SPOCK1: variants seen among roughly 807,000 people sequenced by gnomAD.
The protein encoded by SPOCK1 is SPARC (osteonectin), cwcv and kazal like domains proteoglycan 1.
Under a neutral mutation model 55.3 loss-of-function variants are expected in SPOCK1, and 23 were observed. The observed-to-expected ratio is 0.42, with a 90% CI of 0.30 to 0.59. The LOEUF (loss-of-function observed/expected upper bound fraction) is 0.59. Among genes scored for constraint, SPOCK1 ranks in the 20% least tolerant of loss-of-function variants. The pLI, the probability that SPOCK1 is intolerant of heterozygous loss-of-function variation, is 0.22. For missense variants in SPOCK1, 499 were observed against 552.5 expected (o/e 0.90, Z 0.97); for synonymous variants, 226 against 221.0 (o/e 1.02, Z -0.20).
intron 5 of SPOCK1, among the ~76,000 whole-genome samples, chr5:137,103,545 C>A (rs1256410417): frequency 6.6e-6 from 1 of 152,196 alleles, no homozygotes; most frequent in African/African-American, 2.4e-5. Flanking sequence ...AGAATGACAG[C>A]AGACTAAAAG....
At chr5:137,203,553 A>C (rs943841499) in intron 3 of SPOCK1, among the ~76,000 whole-genome samples, 7 of 152,140 alleles carry the variant, frequency 4.6e-5, no homozygotes, top group Admixed American at 1.3e-4. Flanking sequence ...TGATTTCCTT[A>C]TCATTACTGC....
chr5:137,439,094 C>G (rs956343185), intron 2 of SPOCK1, among the ~76,000 whole-genome samples: 3 of 152,058 alleles, frequency 2.0e-5, no homozygotes, highest in Non-Finnish European at 1.5e-5. Context: ...ATAATCAAGC[C>G]TAATTCATAG....
intron 6 of SPOCK1, among the ~76,000 whole-genome samples, chr5:137,043,378 A>G (rs1275121860): frequency 1.3e-5 from 2 of 152,206 alleles, no homozygotes; most frequent in African/African-American, 2.4e-5. Context: ...ATTTATGTAG[A>G]CACTCTACCC....
intron 3 of SPOCK1, among the ~76,000 whole-genome samples, chr5:137,239,598 G>A (rs1756245173): frequency 6.6e-6 from 1 of 152,106 alleles, no homozygotes; most frequent in African/African-American, 2.4e-5. Flanking sequence ...ACTCCAAGTG[G>A]ATAGTGTCAG....
At chr5:137,267,351 G>A (rs1425496550) in intron 2 of SPOCK1, among the ~76,000 whole-genome samples, 1 of 152,140 alleles carries the variant, frequency 6.6e-6, no homozygotes, top group African/African-American at 2.4e-5. Flanking sequence ...CCTTCTAGGT[G>A]CAAGGTGTAT....
chr5:137,249,176 C>T (rs948081442), intron 3 of SPOCK1, among the ~76,000 whole-genome samples: 15 of 152,182 alleles, frequency 9.9e-5, no homozygotes, highest in Non-Finnish European at 4.4e-5. Flanking sequence ...AAATAACTTG[C>T]TTGAGAGTTA....
At chr5:137,114,306 C>T (rs1753533626) in intron 4 of SPOCK1, among the ~76,000 whole-genome samples, 2 of 152,192 alleles carry the variant, frequency 1.3e-5, no homozygotes, top group South Asian at 4.1e-4. Flanking sequence ...TGGAGCTGAT[C>T]AGTAACTAGA....
intron 2 of SPOCK1, among the ~76,000 whole-genome samples, chr5:137,308,153 A>G (rs1046136455): frequency 1.3e-5 from 2 of 152,146 alleles, no homozygotes; most frequent in African/African-American, 2.4e-5. Flanking sequence ...TGTATTCCCA[A>G]CTGGACTTCA....
chr5:137,356,834 T>TAGAGAGAGAGAGAGAGAGAG (rs1231164356), intron 2 of SPOCK1, among the ~76,000 whole-genome samples: 2 of 9,456 alleles, frequency 2.1e-4, no homozygotes, highest in African/African-American at 4.3e-4. Flanking sequence ...TATATATATA[T>TAGAGAGAGAGAGAGAGAGAG]ATATAGAGAG....
chr5:137,067,918 C>T, intron 5 of SPOCK1, 89 bp from the exon 6 acceptor site: 1 of 1,069,524 alleles, frequency 9.3e-7, no homozygotes, highest in Non-Finnish European at 1.4e-6. Context: ...CCCTTTGCTT[C>T]ACAAAAGCAA....
chr5:137,332,527 G>A (rs961495161), intron 2 of SPOCK1, among the ~76,000 whole-genome samples: 5 of 152,284 alleles, frequency 3.3e-5, no homozygotes, highest in South Asian at 2.1e-4. Flanking sequence ...AACAGGCCCT[G>A]TATGATTACC....
intron 4 of SPOCK1, among the ~76,000 whole-genome samples, chr5:137,117,072 T>G (rs781219782): frequency 1.3e-5 from 2 of 152,188 alleles, no homozygotes; most frequent in Non-Finnish European, 2.9e-5. Context: ...GGTTAAGAGG[T>G]TATTATTCCA....
At chr5:137,271,940 T>C (rs983093285) in intron 2 of SPOCK1, among the ~76,000 whole-genome samples, 8 of 152,172 alleles carry the variant, frequency 5.3e-5, no homozygotes, top group African/African-American at 1.9e-4. Flanking sequence ...TAATACAAAT[T>C]ACCAGCCTAG....
chr5:136,978,657 C>A lies in SPOCK1; in HGVS notation c.1317G>T (p.Trp439Cys). The change falls in exon 11 of 11, where the codon TGG becomes TGT. Residue 439 changes from tryptophan to cysteine, a missense_variant. Around this residue, in one of 3 missense-constraint regions of SPOCK1, gnomAD observed 83 missense variants for 87.5 expected, o/e 0.95. Transcript: ENST00000394945. ...TGTGTCCTCTTTCTTGTGGGCACTA[C>A]CATATGTACCCGACCTCATCCTCTT... ...DDKEDEVGYI[W>C] 1 of 1,602,556 alleles carries A rather than the reference C, an allele frequency of 6.2e-7. No individual in the cohort carries two copies. Among genetic ancestry groups the A allele is most frequent in the South Asian group, 1.1e-5 (1 of 88,620 alleles).
At chr5:137,131,037 T>C (rs890257137) in intron 4 of SPOCK1, among the ~76,000 whole-genome samples, 2 of 152,144 alleles carry the variant, frequency 1.3e-5, no homozygotes, top group Non-Finnish European at 2.9e-5. Flanking sequence ...TCATCCTAAG[T>C]CCATTTTCTG....
intron 6 of SPOCK1, among the ~76,000 whole-genome samples, chr5:137,023,482 G>C (rs1366843517): frequency 2.6e-5 from 4 of 152,098 alleles, no homozygotes; most frequent in African/African-American, 9.7e-5. Context: ...AGATTTGAAG[G>C]CAGGGTGTGA....
At chr5:137,378,908 G>A (rs1056498998) in intron 2 of SPOCK1, among the ~76,000 whole-genome samples, 1 of 152,168 alleles carries the variant, frequency 6.6e-6, no homozygotes, top group Non-Finnish European at 1.5e-5. Context: ...TGCTAGGCTT[G>A]GAGATAGCCA....
intron 4 of SPOCK1, among the ~76,000 whole-genome samples, chr5:137,122,610 TG>T (rs1753707044): frequency 6.6e-6 from 1 of 152,160 alleles, no homozygotes; most frequent in Non-Finnish European, 1.5e-5. Flanking sequence ...ACACACCAAT[TG>T]GAAAAAAGCA....
At chr5:137,208,863 A>C (rs113818693) in intron 3 of SPOCK1, among the ~76,000 whole-genome samples, 3,435 of 152,320 alleles carry the variant, frequency 0.023, 131 homozygotes, top group African/African-American at 0.078. Flanking sequence ...TCTAAAATAA[A>C]AGTTGAAATT....
Sources: gnomAD v4.1 joint callset for allele counts (sites outside exome capture counted in the v4.1 genomes callset) on GRCh38, gnomAD v4.1.1 for gene constraint, gnomAD v4.1.1 regional missense constraint, MANE v1.5 for transcripts, NCBI Gene and HGNC (gene_info 2026-07-23, HGNC 2026-07-21) for gene names.